SGO1: variants seen among roughly 807,000 people sequenced by gnomAD.
SGO1 encodes the protein serologically defined breast cancer antigen NY-BR-85.
In SGO1, 39 loss-of-function variants were observed where a neutral mutation model predicts 50.5. The observed-to-expected ratio is 0.77, with a 90% CI of 0.60 to 1.01. The LOEUF is 1.01. SGO1 is among the 50% of genes least tolerant of loss of function. The pLI, the probability that SGO1 is intolerant of heterozygous loss-of-function variation, is 0.00. For synonymous variants in SGO1, 191 were observed against 205.1 expected (o/e 0.93, Z 0.59); for missense variants, 638 against 606.0 (o/e 1.05, Z -0.55).
intron 1 of SGO1, among the ~76,000 whole-genome samples, chr3:20,185,311 C>G (rs1336577091): frequency 6.6e-6 from 1 of 152,152 alleles, no homozygotes; most frequent in Non-Finnish European, 1.5e-5. Flanking sequence ...CAAAGCCTTA[C>G]CTAAAAAGCT....
downstream of SGO1, chr3:20,169,026 T>A (rs1700465926): frequency 1.0e-6 from 1 of 982,910 alleles, no homozygotes. Flanking sequence ...ATGAAGGGAG[T>A]AGTAAGAAAA....
intron 6 of SGO1, among the ~76,000 whole-genome samples, chr3:20,172,171 G>T (rs1211259737): frequency 6.6e-6 from 1 of 152,124 alleles, no homozygotes; most frequent in Admixed American, 6.5e-5. Context: ...CTGGAAAAAT[G>T]CTTCTCAAAC....
At position 20,170,596 on chromosome 3, in the gene SGO1, A is replaced by C; in HGVS notation, c.*108T>G. 2 of 1,382,680 alleles carry C rather than the reference A, an allele frequency of 1.4e-6. No homozygotes were observed. 85.7% of individuals were successfully genotyped at this position (1,382,680 alleles called of 1,614,324 possible). ...GTTTATGAGCTAGGGTCCTGTCAAG[A>C]GAATATTCTATGGCAATGGCTCACT... On this transcript the variant is annotated 3_prime_UTR_variant, in exon 8 of 8. Coordinates refer to ENST00000412997, the MANE Select transcript of SGO1 (RefSeq NM_001199251.3).
chr3:20,171,719 T>C (rs1700766093), intron 6 of SGO1, among the ~76,000 whole-genome samples: 1 of 152,208 alleles, frequency 6.6e-6, no homozygotes, highest in Non-Finnish European at 1.5e-5. Flanking sequence ...CCAAGGTTTA[T>C]TATCAAGTCT....
In SGO1 at chr3:20,183,680, A is replaced by C. The variant is rs535078055; in HGVS notation, c.267T>G (p.Cys89Trp). 6.2e-7 allele frequency: 1 copy of C among 1,612,606 alleles called. No homozygotes were observed. Among genetic ancestry groups the C allele is most frequent in the African/African-American group, 1.3e-5 (1 of 74,972 alleles). The change falls in exon 3 of 8, where the codon TGT (cysteine) becomes TGG (tryptophan). Residue 89 changes from cysteine (C) to tryptophan (W), a missense_variant. Coordinates refer to ENST00000412997, the MANE Select transcript of SGO1 (RefSeq NM_001199251.3). ...QDIILQLRKE[C>W]YYLTCQLYAL... The stretch of plus-strand genomic sequence containing the variant: ...CATATAGCTGACATGTGAGATAGTA[A>C]CATTCTTTTCTCAGCTGTAGGATGA...
At chr3:20,169,374 A>AT, downstream of SGO1, 2 of 984,666 alleles carry the variant, frequency 2.0e-6, no homozygotes, top group Non-Finnish European at 2.4e-6. Context: ...CCCCCCCCTC[A>AT]AAAAAGAGAA....
chr3:20,179,052 AGCCC>A (rs1466101024), intron 3 of SGO1, among the ~76,000 whole-genome samples: 1 of 152,208 alleles, frequency 6.6e-6, no homozygotes, highest in East Asian at 1.9e-4. Context: ...ATGGAGGTGA[AGCCC>A]AGTGGAAGGC....
chr3:20,166,842 CAAAAAAAAAAAAAA>C (rs58288144), downstream of SGO1, among the ~76,000 whole-genome samples: 5 of 42,738 alleles, frequency 1.2e-4, no homozygotes, highest in Non-Finnish European at 1.7e-4. Context: ...CCATCTCTAC[CAAAAAAAAAAAAAA>C]AAAAAAAAAA....
chr3:20,181,554 T>G (rs1702021114), intron 3 of SGO1, among the ~76,000 whole-genome samples: 2 of 152,216 alleles, frequency 1.3e-5, no homozygotes, highest in South Asian at 2.1e-4. Context: ...CAACTAACAA[T>G]GTTTTTAATA....
intron 1 of SGO1, 85 bp from the exon 2 acceptor site, chr3:20,184,119 T>A: frequency 9.8e-7 from 1 of 1,022,000 alleles, no homozygotes; most frequent in Non-Finnish European, 1.4e-6. Context: ...AAAGAATGCA[T>A]TAAATAGACT....
chr3:20,182,198 T>C (rs959624585), intron 3 of SGO1, among the ~76,000 whole-genome samples: 5 of 152,166 alleles, frequency 3.3e-5, no homozygotes, highest in Non-Finnish European at 7.3e-5. Flanking sequence ...TGTGTATATA[T>C]GTATATATTA....
At chr3:20,176,898 G>C (rs1222296900) in intron 4 of SGO1, among the ~76,000 whole-genome samples, 1 of 152,174 alleles carries the variant, frequency 6.6e-6, no homozygotes, top group Non-Finnish European at 1.5e-5. Flanking sequence ...AAGTTGGAGA[G>C]TTCCACCTGA....
At chr3:20,165,637 A>G (rs527518730), downstream of SGO1, among the ~76,000 whole-genome samples, 1 of 152,248 alleles carries the variant, frequency 6.6e-6, no homozygotes, top group South Asian at 2.1e-4. Flanking sequence ...AACAGGTGCA[A>G]TTTGTTTCCA....
intron 5 of SGO1, among the ~76,000 whole-genome samples, chr3:20,176,318 A>G (rs758353004): frequency 1.3e-5 from 2 of 152,176 alleles, no homozygotes; most frequent in Non-Finnish European, 2.9e-5. Flanking sequence ...GTTAGGTGAG[A>G]TTATGCACAT....
intron 3 of SGO1, among the ~76,000 whole-genome samples, 196 bp from the exon 4 acceptor site, chr3:20,178,543 T>C (rs1701652155): frequency 6.6e-6 from 1 of 152,182 alleles, no homozygotes; most frequent in South Asian, 2.1e-4. Flanking sequence ...GGAAGTAAAA[T>C]TTTAAAAAGA....
At chr3:20,168,351 T>G (rs1412481063), downstream of SGO1, among the ~76,000 whole-genome samples, 1 of 151,712 alleles carries the variant, frequency 6.6e-6, no homozygotes, top group Non-Finnish European at 1.5e-5. Context: ...AGAGGCAAAC[T>G]CAAGAATATA....
downstream of SGO1, chr3:20,169,370 C>T (rs541733138): frequency 3.0e-6 from 3 of 984,702 alleles, no homozygotes; most frequent in Non-Finnish European, 1.2e-6. Context: ...AACACCCCCC[C>T]CTCAAAAAAG....
intron 2 of SGO1, 37 bp from the exon 3 acceptor site, chr3:20,183,841 C>T: frequency 6.2e-7 from 1 of 1,604,550 alleles, no homozygotes; most frequent in Non-Finnish European, 8.5e-7. Context: ...GTTATTAAAT[C>T]TAAACTTAAA....
At chr3:20,176,906 T>A (rs17006697) in intron 4 of SGO1, among the ~76,000 whole-genome samples, 1,802 of 152,300 alleles carry the variant, frequency 0.012, 35 homozygotes, top group African/African-American at 0.038. Context: ...GAGTTCCACC[T>A]GAAAACACAT....
Sources: allele counts gnomAD v4.1 joint callset (sites outside exome capture counted in the v4.1 genomes callset), GRCh38; gene constraint gnomAD v4.1.1; transcripts MANE v1.5; gene names NCBI Gene and HGNC (gene_info 2026-07-23, HGNC 2026-07-21).